The following ADAMTS12 variants were observed in gnomAD, a reference collection of about 807,000 sequenced individuals.
ADAMTS12 encodes ADAM metallopeptidase with thrombospondin type 1 motif 12.
In ADAMTS12, 118 loss-of-function variants were observed where a neutral mutation model predicts 167.8. That is an observed-to-expected ratio of 0.70 (90% CI 0.61 to 0.82). The LOEUF is 0.82. Among genes scored for constraint, ADAMTS12 ranks in the 40% least tolerant of loss-of-function variants. The pLI, the probability that ADAMTS12 is intolerant of heterozygous loss-of-function variation, is 0.00. For missense variants in ADAMTS12, 1,916 were observed against 1,998.8 expected (o/e 0.96, Z 0.79); for synonymous variants, 704 against 716.9 (o/e 0.98, Z 0.29).
intron 19 of ADAMTS12, among the ~76,000 whole-genome samples, chr5:33,572,180 C>G (rs900303720): frequency 6.6e-6 from 1 of 152,134 alleles, no homozygotes; most frequent in African/African-American, 2.4e-5. Flanking sequence ...CAAGGAGGAA[C>G]TGGTACCATT....
chr5:33,699,810 A>G (rs1455700856), intron 3 of ADAMTS12, among the ~76,000 whole-genome samples: 1 of 152,226 alleles, frequency 6.6e-6, no homozygotes, highest in African/African-American at 2.4e-5. Context: ...TTTTCAAACT[A>G]TATATTTAAC....
chr5:33,848,285 T>C (rs1281426555), intron 2 of ADAMTS12, among the ~76,000 whole-genome samples: 1 of 151,276 alleles, frequency 6.6e-6, no homozygotes, highest in Admixed American at 6.6e-5. Flanking sequence ...ACCAGCCACC[T>C]TGGAGTGTCT....
At chr5:33,747,194 C>G (rs1006749691) in intron 3 of ADAMTS12, among the ~76,000 whole-genome samples, 3 of 152,008 alleles carry the variant, frequency 2.0e-5, no homozygotes, top group Non-Finnish European at 4.4e-5. Flanking sequence ...AAACAGAAAA[C>G]AAGCAAACAA....
intron 2 of ADAMTS12, among the ~76,000 whole-genome samples, chr5:33,838,887 A>G (rs1201544050): frequency 6.6e-6 from 1 of 152,170 alleles, no homozygotes; most frequent in Non-Finnish European, 1.5e-5. Flanking sequence ...TAGGGCAGAT[A>G]ATGGACTAAA....
chr5:33,824,872 T>TTTA (rs2112508349), intron 2 of ADAMTS12, among the ~76,000 whole-genome samples: 1 of 152,288 alleles, frequency 6.6e-6, no homozygotes, highest in East Asian at 1.9e-4. Context: ...CAGCTCATAC[T>TTTA]TTGATAGCTT....
intron 3 of ADAMTS12, among the ~76,000 whole-genome samples, chr5:33,704,842 A>C (rs1475563616): frequency 6.6e-6 from 1 of 152,154 alleles, no homozygotes; most frequent in Non-Finnish European, 1.5e-5. Flanking sequence ...AGTTTGATAT[A>C]GTCCCACTTG....
At chr5:33,590,260 TTTCTC>T (rs1747568279) in intron 17 of ADAMTS12, among the ~76,000 whole-genome samples, 1 of 152,216 alleles carries the variant, frequency 6.6e-6, no homozygotes, top group Admixed American at 6.5e-5. Context: ...ACGTTCTTGT[TTTCTC>T]TTCTTGGAGT....
chr5:33,718,980 T>C (rs1743709582), intron 3 of ADAMTS12, among the ~76,000 whole-genome samples: 1 of 152,182 alleles, frequency 6.6e-6, no homozygotes, highest in African/African-American at 2.4e-5. Context: ...AGAAAGTCTC[T>C]GTTCAGGTTT....
At chr5:33,608,767 C>T (rs1328643522) in intron 16 of ADAMTS12, among the ~76,000 whole-genome samples, 1 of 152,184 alleles carries the variant, frequency 6.6e-6, no homozygotes, top group African/African-American at 2.4e-5. Flanking sequence ...TTAGTCCCGG[C>T]CCTCCTATTT....
chr5:33,601,413 C>T (rs1579730130), intron 16 of ADAMTS12, among the ~76,000 whole-genome samples: 1 of 152,130 alleles, frequency 6.6e-6, no homozygotes, highest in East Asian at 1.9e-4. Context: ...GTTTTGTAAC[C>T]TGAATCCAAA....
chr5:33,580,510 T>C (rs1015189024), intron 18 of ADAMTS12, among the ~76,000 whole-genome samples: 3 of 152,196 alleles, frequency 2.0e-5, no homozygotes, highest in African/African-American at 7.2e-5. Flanking sequence ...CCATTCAAGA[T>C]GAGATTTGGG....
intron 3 of ADAMTS12, among the ~76,000 whole-genome samples, chr5:33,735,991 C>G (rs1744359892): frequency 6.6e-6 from 1 of 151,048 alleles, no homozygotes; most frequent in African/African-American, 2.4e-5. Context: ...ATAAAGGATT[C>G]TTAGAGCTTT....
chr5:33,592,674 A>G (rs1193279371), intron 17 of ADAMTS12, among the ~76,000 whole-genome samples: 1 of 152,176 alleles, frequency 6.6e-6, no homozygotes, highest in East Asian at 1.9e-4. Flanking sequence ...GATAATCAAA[A>G]GTTTTTATTA....
At chr5:33,584,509 A>G (rs1171230731) in intron 18 of ADAMTS12, among the ~76,000 whole-genome samples, 1 of 152,224 alleles carries the variant, frequency 6.6e-6, no homozygotes, top group East Asian at 1.9e-4. Context: ...GCCACAAATC[A>G]GTTCCTTCAG....
chr5:33,844,877 C>T (rs75646107), intron 2 of ADAMTS12, among the ~76,000 whole-genome samples: 3,461 of 152,192 alleles, frequency 0.023, 137 homozygotes, highest in African/African-American at 0.079. Flanking sequence ...GTACTCTGTC[C>T]CTTTATTTCT....
At chr5:33,755,535 T>A (rs569039302) in intron 2 of ADAMTS12, among the ~76,000 whole-genome samples, 2 of 152,306 alleles carry the variant, frequency 1.3e-5, no homozygotes, top group South Asian at 4.1e-4. Context: ...TTACTTCAAT[T>A]AGTGACAGTG....
chr5:33,624,047 C>A (rs1739459976), intron 14 of ADAMTS12, among the ~76,000 whole-genome samples, 184 bp downstream of exon 14: 1 of 152,198 alleles, frequency 6.6e-6, no homozygotes, highest in Non-Finnish European at 1.5e-5. Flanking sequence ...CAGCAATCAA[C>A]CCGTTTCCTA....
chr5:33,641,170 T>A (rs1215772459), intron 11 of ADAMTS12, among the ~76,000 whole-genome samples: 1 of 152,006 alleles, frequency 6.6e-6, no homozygotes, highest in Non-Finnish European at 1.5e-5. Flanking sequence ...AAGTTTAAAT[T>A]TACCTCATAT....
chr5:33,777,294 C>T (rs1025931984), intron 2 of ADAMTS12, among the ~76,000 whole-genome samples: 5 of 151,972 alleles, frequency 3.3e-5, no homozygotes, highest in African/African-American at 1.2e-4. Context: ...TATTAGCAAA[C>T]GAAATTCACT....
Sources: allele counts gnomAD v4.1 joint callset (sites outside exome capture counted in the v4.1 genomes callset), GRCh38; gene constraint gnomAD v4.1.1; transcripts MANE v1.5; gene names NCBI Gene and HGNC (gene_info 2026-07-23, HGNC 2026-07-21).